The following ZNF682 variants were observed in gnomAD, a reference collection of about 807,000 sequenced individuals.
ZNF682 encodes zinc finger protein 682.
ZNF682 carries 29 observed loss-of-function variants against 36.5 expected under a neutral mutation model. The observed-to-expected ratio is 0.80, with a 90% CI of 0.59 to 1.08. The LOEUF is 1.08. Ranked by LOEUF, ZNF682 falls within the 50% of genes least tolerant of loss-of-function variation. The probability of loss-of-function intolerance (pLI) is 0.00; values close to 1 mark genes in which losing one functional copy is unlikely to be tolerated. For missense variants in ZNF682, 561 were observed against 579.7 expected (o/e 0.97, Z 0.33); for synonymous variants, 180 against 197.0 (o/e 0.91, Z 0.72).
At chr19:20,011,658 T>C (rs1028634839) in intron 3 of ZNF682, among the ~76,000 whole-genome samples, 1 of 152,070 alleles carries the variant, frequency 6.6e-6, no homozygotes, top group African/African-American at 2.4e-5. Context: ...ACTACACAAA[T>C]ATAGAAAATT....
At position 20,006,867 on chromosome 19, in the gene ZNF682, C is replaced by T. The variant is rs1227588415; in HGVS notation, c.635G>A (p.Trp212Ter). ...CTTATGTTTAGTAAGGTATGAGAAC[C>T]ACTTAAAGGTTTTGCCACATTCCTC... Reference protein sequence around the residue: ...ICEECGKTFKWFSYLTKHKRI... With the variant: ...ICEECGKTFK The change falls in exon 4 of 4, where the codon TGG becomes TAG. Residue 212 changes from tryptophan to a stop codon, truncating the protein, a stop_gained. Coordinates refer to ENST00000397165, the MANE Select transcript of ZNF682 (RefSeq NM_033196.3). LOFTEE classifies it high-confidence loss of function. The T allele has an allele frequency of 8.1e-6, 13 of 1,613,850 alleles. No individual in the cohort carries two copies. Among genetic ancestry groups the T allele is most frequent in the Non-Finnish European group, 9.3e-6 (11 of 1,179,928 alleles).
intron 3 of ZNF682, among the ~76,000 whole-genome samples, chr19:20,019,244 C>T (rs1036015594): frequency 6.6e-6 from 1 of 151,942 alleles, no homozygotes; most frequent in African/African-American, 2.4e-5. Context: ...AACCACCCCC[C>T]CAAAAAAAAG....
chr19:20,024,530 C>T, intron 1 of ZNF682, 154 bp from the exon 2 acceptor site: 1 of 907,074 alleles, frequency 1.1e-6, no homozygotes, highest in Non-Finnish European at 1.6e-6. Context: ...TTCTCTAACA[C>T]TGAGGAAAGA....
At chr19:20,038,316 G>T (rs539190352) in intron 1 of ZNF682, among the ~76,000 whole-genome samples, 2 of 151,816 alleles carry the variant, frequency 1.3e-5, no homozygotes, top group Non-Finnish European at 2.9e-5. Context: ...AGTGCCATCC[G>T]CTGCTCTTTG....
chr19:20,034,283 G>A (rs1199120414), intron 1 of ZNF682: 1 of 152,132 alleles, frequency 6.6e-6, no homozygotes, highest in African/African-American at 2.4e-5. Context: ...CTGGCCATTG[G>A]ACTAGGGATT....
At chr19:20,032,128 G>C (rs907311958) in intron 1 of ZNF682, among the ~76,000 whole-genome samples, 4 of 152,180 alleles carry the variant, frequency 2.6e-5, no homozygotes, top group Non-Finnish European at 4.4e-5. Context: ...ATAACTAACA[G>C]AACTTGCATC....
intron 3 of ZNF682, among the ~76,000 whole-genome samples, chr19:20,010,597 T>C (rs1490760460): frequency 6.6e-6 from 1 of 152,028 alleles, no homozygotes; most frequent in Non-Finnish European, 1.5e-5. Context: ...AGTCAGAGGT[T>C]TCAGTAAGCT....
rs137977206 is a variant in ZNF682 at position 20,021,848 on chromosome 19, G to A, written c.226+1156C>T. Among the ~76,000 whole-genome samples the A allele has an allele frequency of 2.5e-3, 382 of 152,234 alleles. 4 individuals are homozygous for A. Among genetic ancestry groups the A allele is most frequent in the Middle Eastern group, 0.01 (3 of 294 alleles). ...CTTAGCATTATAACAAAATTACTGAGTAGGAATTTTTGTAGAATCACATTT... is the reference window on the plus strand; with the variant it reads ...CTTAGCATTATAACAAAATTACTGAATAGGAATTTTTGTAGAATCACATTT... On this transcript the variant is annotated intron_variant, in intron 3 of 3. Transcript: ENST00000397165.
At chr19:20,029,989 T>C (rs1442319891) in intron 1 of ZNF682, among the ~76,000 whole-genome samples, 1 of 152,112 alleles carries the variant, frequency 6.6e-6, no homozygotes, top group Admixed American at 6.5e-5. Context: ...CGGACCTGGA[T>C]GAGGCCTCAG....
At chr19:20,017,521 C>T (rs2088344923) in intron 3 of ZNF682, among the ~76,000 whole-genome samples, 1 of 152,074 alleles carries the variant, frequency 6.6e-6, no homozygotes, top group Non-Finnish European at 1.5e-5. Flanking sequence ...ACACATATAA[C>T]TGTTATATAA....
intron 3 of ZNF682, among the ~76,000 whole-genome samples, chr19:20,016,767 A>G (rs914456714): frequency 2.0e-5 from 3 of 152,150 alleles, no homozygotes; most frequent in African/African-American, 7.2e-5. Flanking sequence ...CTTTGTCACC[A>G]TGTGTATAGT....
chr19:20,009,789 G>T (rs2088266823), intron 3 of ZNF682, among the ~76,000 whole-genome samples: 1 of 152,162 alleles, frequency 6.6e-6, no homozygotes, highest in Admixed American at 6.5e-5. Context: ...GGGAGGCCAA[G>T]GTGGGCAGAT....
intron 3 of ZNF682, among the ~76,000 whole-genome samples, chr19:20,020,762 C>T (rs2088376207): frequency 6.6e-6 from 1 of 152,110 alleles, no homozygotes; most frequent in South Asian, 2.1e-4. Context: ...ATTTCAACAA[C>T]ATGGATGGAC....
intron 1 of ZNF682, among the ~76,000 whole-genome samples, chr19:20,037,457 T>G (rs1196111241): frequency 6.6e-6 from 1 of 152,180 alleles, no homozygotes; most frequent in Non-Finnish European, 1.5e-5. Context: ...TAATTTACAC[T>G]TAATTAAAAA....
chr19:20,038,156 G>A (rs567761887), intron 1 of ZNF682, among the ~76,000 whole-genome samples: 1 of 152,182 alleles, frequency 6.6e-6, no homozygotes, highest in East Asian at 1.9e-4. Context: ...TTCTGATAAG[G>A]TGTCTGTGCC....
chr19:20,006,785 G>C lies in ZNF682; in HGVS notation c.717C>G (p.Asn239Lys). 6.2e-7 allele frequency: 1 copy of C among 1,613,854 alleles called. No individual in the cohort carries two copies. The highest frequency in any genetic ancestry group is 8.5e-7 in the Non-Finnish European group (1 of 1,179,948). ...YKCEECGKAFNWCSSLTKHKR... is the reference protein window; with the variant it reads ...YKCEECGKAFKWCSSLTKHKR... ...TATGTTTAGTAAGACTCGAGCACCA[G>C]TTAAAAGCTTTGCCACATTCTTCAC... Residue 239 changes from asparagine to lysine, a missense_variant, in exon 4 of 4, where the codon AAC (asparagine) becomes AAG (lysine). Asn to Lys is a moderately conservative substitution (Grantham distance 94). Transcript: ENST00000397165.
At chr19:20,007,416 G>A (rs1435834237) in intron 3 of ZNF682, 141 bp from the exon 4 acceptor site, 2 of 722,056 alleles carry the variant, frequency 2.8e-6, no homozygotes, top group African/African-American at 1.8e-5. Context: ...TCCAAGGAGA[G>A]AAAACAAAAT....
At chr19:20,037,664 T>G (rs1034757383) in intron 1 of ZNF682, among the ~76,000 whole-genome samples, 7 of 152,176 alleles carry the variant, frequency 4.6e-5, no homozygotes, top group African/African-American at 1.7e-4. Context: ...TGCCCCACTG[T>G]GTCCCTTAGA....
chr19:20,010,322 A>G (rs954969924), intron 3 of ZNF682, among the ~76,000 whole-genome samples: 2 of 152,190 alleles, frequency 1.3e-5, no homozygotes, highest in Non-Finnish European at 2.9e-5. Flanking sequence ...CTAAGATATC[A>G]ATATTAACCT....
Sources: gnomAD v4.1 joint callset for allele counts (sites outside exome capture counted in the v4.1 genomes callset) on GRCh38, gnomAD v4.1.1 for gene constraint, MANE v1.5 for transcripts, NCBI Gene and HGNC (gene_info 2026-07-23, HGNC 2026-07-21) for gene names.